VOPP1: variants seen among roughly 807,000 people sequenced by gnomAD.
VOPP1 encodes the protein VOPP1 WW domain binding protein, also known as WW domain binding protein VOPP1.
Under a neutral mutation model 23.5 loss-of-function variants are expected in VOPP1, and 8 were observed. That is an observed-to-expected ratio of 0.34 (90% CI 0.20 to 0.61). The LOEUF is 0.61. Ranked by LOEUF, VOPP1 falls within the 20% of genes least tolerant of loss-of-function variation. The pLI is 0.78. For synonymous variants in VOPP1, 83 were observed against 97.3 expected, an observed-to-expected ratio of 0.85 and a Z score of 0.86; for missense variants, 174 against 238.1, an observed-to-expected ratio of 0.73 and a Z score of 1.77.
chr7:55,475,581 G>C (rs930828243), intron 4 of VOPP1, among the ~76,000 whole-genome samples: 4 of 152,188 alleles, frequency 2.6e-5, no homozygotes, highest in African/African-American at 9.6e-5. Flanking sequence ...GGTGTGGTGG[G>C]GACAATCTGC....
chr7:55,526,906 A>G (rs1459338949), intron 1 of VOPP1: 1 of 152,212 alleles, frequency 6.6e-6, no homozygotes, highest in African/African-American at 2.4e-5. Flanking sequence ...TGTGCCTCAC[A>G]CTGCTTCTGC....
chr7:55,536,378 A>C (rs1288743662), intron 1 of VOPP1, among the ~76,000 whole-genome samples: 2 of 152,028 alleles, frequency 1.3e-5, no homozygotes, highest in South Asian at 2.1e-4. Flanking sequence ...AAAATACAAA[A>C]ATTAGCCCGG....
intron 1 of VOPP1, among the ~76,000 whole-genome samples, chr7:55,546,667 T>C (rs1257395787): frequency 1.3e-5 from 2 of 152,278 alleles, no homozygotes; most frequent in South Asian, 2.1e-4. Context: ...TATTCCAAAA[T>C]TAAAAGTTGA....
chr7:55,532,448 T>C (rs1796549324), intron 1 of VOPP1, among the ~76,000 whole-genome samples: 1 of 152,266 alleles, frequency 6.6e-6, no homozygotes, highest in Non-Finnish European at 1.5e-5. Flanking sequence ...TTACATTGTG[T>C]GCTGTGTCGG....
chr7:55,505,119 G>C (rs1794624313), intron 2 of VOPP1, among the ~76,000 whole-genome samples: 1 of 152,154 alleles, frequency 6.6e-6, no homozygotes, highest in African/African-American at 2.4e-5. Flanking sequence ...CCAGTTTTCT[G>C]TCACTGACAT....
chr7:55,447,533 A>G (rs1791132590), intron 4 of VOPP1, among the ~76,000 whole-genome samples: 2 of 152,222 alleles, frequency 1.3e-5, no homozygotes, highest in Middle Eastern at 3.2e-3. Context: ...ACTGAAGGCA[A>G]TTCAAGAGGA....
At chr7:55,448,526 T>C (rs1791158067) in intron 4 of VOPP1, among the ~76,000 whole-genome samples, 1 of 150,628 alleles carries the variant, frequency 6.6e-6, no homozygotes, top group South Asian at 2.1e-4. Context: ...AAGGTTGATT[T>C]TTCGCTCGAG....
chr7:55,455,166 GACAA>G (rs1188538179), intron 4 of VOPP1, among the ~76,000 whole-genome samples: 2 of 152,048 alleles, frequency 1.3e-5, no homozygotes, highest in East Asian at 1.9e-4. Context: ...CACCAATACA[GACAA>G]ACAGAGAGCC....
intron 4 of VOPP1, among the ~76,000 whole-genome samples, chr7:55,482,551 G>C (rs1583869457): frequency 6.6e-6 from 1 of 150,696 alleles, no homozygotes; most frequent in Admixed American, 6.6e-5. Context: ...CAGGGAGGTA[G>C]GGCGGTCTCG....
chr7:55,514,066 T>G (rs969631984), intron 2 of VOPP1, among the ~76,000 whole-genome samples: 3 of 152,146 alleles, frequency 2.0e-5, no homozygotes, highest in African/African-American at 4.8e-5. Context: ...AGCGTCTGAC[T>G]GGGAGCGGCG....
intron 4 of VOPP1, among the ~76,000 whole-genome samples, chr7:55,491,793 G>C (rs1332714639): frequency 6.6e-6 from 1 of 152,156 alleles, no homozygotes; most frequent in South Asian, 2.1e-4. Flanking sequence ...TAAGTATTTG[G>C]AATACTAGTA....
chr7:55,517,385 G>A (rs926127701), intron 2 of VOPP1, among the ~76,000 whole-genome samples: 4 of 152,110 alleles, frequency 2.6e-5, no homozygotes, highest in Admixed American at 2.0e-4. Context: ...CAACTGACAC[G>A]TCGTGGGCCC....
chr7:55,499,407 G>C (rs547087853), intron 2 of VOPP1, among the ~76,000 whole-genome samples: 1 of 152,212 alleles, frequency 6.6e-6, no homozygotes, highest in East Asian at 1.9e-4. Context: ...AGCCAAGATC[G>C]TGCCACTTGC....
chr7:55,465,111 T>TTC (rs1186311820), intron 4 of VOPP1, among the ~76,000 whole-genome samples: 1 of 152,252 alleles, frequency 6.6e-6, no homozygotes, highest in Non-Finnish European at 1.5e-5. Context: ...AATTCCATTG[T>TTC]TCTCTTAGAA....
At chr7:55,482,963 G>A (rs1792855255) in intron 4 of VOPP1, among the ~76,000 whole-genome samples, 1 of 152,194 alleles carries the variant, frequency 6.6e-6, no homozygotes, top group Admixed American at 6.5e-5. Flanking sequence ...TTAATAAAGA[G>A]AATTCCAGTG....
chr7:55,456,800 G>A (rs999969384), intron 4 of VOPP1, among the ~76,000 whole-genome samples: 8 of 152,088 alleles, frequency 5.3e-5, no homozygotes, highest in African/African-American at 1.9e-4. Flanking sequence ...GGCCTGTCGG[G>A]GGATGGGGGT....
At chr7:55,511,572 C>T (rs1238556691) in intron 2 of VOPP1, among the ~76,000 whole-genome samples, 1 of 152,182 alleles carries the variant, frequency 6.6e-6, no homozygotes, top group African/African-American at 2.4e-5. Flanking sequence ...GCTGAAACTC[C>T]TCAGGGCAAA....
intron 3 of VOPP1, among the ~76,000 whole-genome samples, chr7:55,493,678 G>A (rs933367040): frequency 6.6e-6 from 1 of 152,138 alleles, no homozygotes; most frequent in Admixed American, 6.6e-5. Context: ...TCACAGCAAT[G>A]AGTAGACAGG....
chr7:55,516,905 C>CATATATATATATATATATAT (rs1214913971), intron 2 of VOPP1, among the ~76,000 whole-genome samples: 1 of 43,168 alleles, frequency 2.3e-5, no homozygotes, highest in Non-Finnish European at 4.0e-5. Flanking sequence ...AGATCCATTA[C>CATATATATATATATATATAT]ATATATATAT....
Sources: gnomAD v4.1 joint callset for allele counts (sites outside exome capture counted in the v4.1 genomes callset) on GRCh38, gnomAD v4.1.1 for gene constraint, MANE v1.5 for transcripts, NCBI Gene and HGNC (gene_info 2026-07-23, HGNC 2026-07-21) for gene names.